Variants in SLC36A1 observed in about 807,000 individuals in gnomAD.
The protein encoded by SLC36A1 is solute carrier family 36 member 1, also known as proton-coupled amino acid transporter 1.
Under a neutral mutation model 47.5 loss-of-function variants are expected in SLC36A1, and 30 were observed. The observed-to-expected ratio is 0.63, with a 90% CI of 0.47 to 0.86. SLC36A1 has a LOEUF of 0.86. Among genes scored for constraint, SLC36A1 ranks in the 40% least tolerant of loss-of-function variants. The pLI is 0.00. For missense variants in SLC36A1, 517 were observed against 606.0 expected, an observed-to-expected ratio of 0.85 and a Z score of 1.54; for synonymous variants, 255 against 249.7, an observed-to-expected ratio of 1.02 and a Z score of -0.20.
the SLC36A1 span, chr5:151,512,661 G>T: frequency 6.9e-7 from 1 of 1,442,112 alleles, no homozygotes; most frequent in Non-Finnish European, 9.4e-7. This position sits in a 1 kb window ranked among gnomAD's most constrained non-coding sequence, Gnocchi z 4.1. Context: ...TTGTAAACCT[G>T]CTAAGAGGCT....
At chr5:151,537,684 G>T in the SLC36A1 span, 1 of 1,100,490 alleles carries the variant, frequency 9.1e-7, no homozygotes, top group Non-Finnish European at 1.3e-6. Context: ...TATGTTTGCT[G>T]ATAGATGAGT....
intron 1 of SLC36A1, among the ~76,000 whole-genome samples, chr5:151,453,284 A>AT (rs375198282): frequency 0.024 from 3,695 of 150,920 alleles, 140 homozygotes; most frequent in African/African-American, 0.084. Context: ...CCAGAAATCT[A>AT]TTTTTTTTTC....
At chr5:151,415,914 TG>T in the SLC36A1 span, among the ~76,000 whole-genome samples, 145 of 152,244 alleles carry the variant, frequency 9.5e-4, no homozygotes, top group Non-Finnish European at 7.2e-4. Context: ...GAGACCAGCC[TG>T]GCTAACATGG....
At chr5:151,352,148 G>A in the SLC36A1 span, among the ~76,000 whole-genome samples, 4 of 152,072 alleles carry the variant, frequency 2.6e-5, no homozygotes, top group Non-Finnish European at 4.4e-5. Context: ...AGATTTTTCT[G>A]CTCCAACAAC....
chr5:151,353,973 A>C, the SLC36A1 span, among the ~76,000 whole-genome samples: 2 of 152,202 alleles, frequency 1.3e-5, no homozygotes, highest in Non-Finnish European at 2.9e-5. Flanking sequence ...CTACTGAAAG[A>C]CATCTTGGTT....
chr5:151,534,637 G>T, the SLC36A1 span: 3 of 1,606,844 alleles, frequency 1.9e-6, no homozygotes, highest in East Asian at 4.5e-5. Context: ...AGTGTGGTCA[G>T]CTCCCCTGGT....
chr5:151,528,497 G>C, the SLC36A1 span, among the ~76,000 whole-genome samples: 1 of 152,152 alleles, frequency 6.6e-6, no homozygotes, highest in African/African-American at 2.4e-5. Flanking sequence ...TATTACACTG[G>C]GGAGATTAGA....
At chr5:151,496,332 A>AGG (rs1760340214), downstream of SLC36A1, among the ~76,000 whole-genome samples, 1 of 151,284 alleles carries the variant, frequency 6.6e-6, no homozygotes, top group African/African-American at 2.4e-5. Context: ...ATCGAATTAA[A>AGG]CCTCTTTCTT....
the SLC36A1 span, among the ~76,000 whole-genome samples, chr5:151,362,384 T>G: frequency 0.012 from 1,683 of 141,788 alleles, 29 homozygotes; most frequent in African/African-American, 0.045. Flanking sequence ...GCTTGATTGA[T>G]TCTTCTTTTT....
the SLC36A1 span, chr5:151,544,638 C>T: frequency 6.2e-7 from 1 of 1,614,118 alleles, no homozygotes; most frequent in Non-Finnish European, 8.5e-7. Context: ...ATTTATTTCT[C>T]ACAGTGACAA....
chr5:151,347,601 C>T, the SLC36A1 span: 1 of 979,630 alleles, frequency 1.0e-6, no homozygotes, highest in African/African-American at 1.6e-5. Context: ...GGAACGAGGC[C>T]CCGCCCACCT....
the SLC36A1 span, among the ~76,000 whole-genome samples, chr5:151,506,791 C>G: frequency 6.6e-6 from 1 of 152,350 alleles, no homozygotes; most frequent in African/African-American, 2.4e-5. Context: ...CACTTCCACA[C>G]TGGGCAACCA....
chr5:151,524,048 G>A, the SLC36A1 span, among the ~76,000 whole-genome samples: 9 of 151,938 alleles, frequency 5.9e-5, no homozygotes, highest in African/African-American at 1.9e-4. Context: ...CCATCACTCC[G>A]TGGTCTCAGC....
In SLC36A1 at chr5:151,467,298, A is replaced by T. The variant is rs763600848; in HGVS notation, c.504+15A>T. The T allele has an allele frequency of 2.1e-5, 29 of 1,413,396 alleles. No homozygotes were observed. The African/African-American group carries it at 4.9e-4, about 24-fold the overall frequency. 87.6% of individuals were successfully genotyped at this position (1,413,396 alleles called of 1,614,324 possible). Reference sequence around the variant, plus strand: ...ACTTTAAACAGGTAGGCACCTGGTTAAAAAAGAAAAAAAAAAAAAAAACCA... The same window carrying T: ...ACTTTAAACAGGTAGGCACCTGGTTTAAAAAGAAAAAAAAAAAAAAAACCA... On this transcript the variant is annotated intron_variant, in intron 6 of 10. Transcript: ENST00000243389.
At position 151,454,295 on chromosome 5, in the gene SLC36A1, G is replaced by A. The variant is rs149821586; in HGVS notation, c.-5-4493G>A. On this transcript the variant is annotated intron_variant, in intron 1 of 10. Coordinates refer to ENST00000243389, the MANE Select transcript of SLC36A1 (RefSeq NM_078483.4). ...CAGGTACTATTAAAATCTCCCATAG[G>A]GCGGGAACTGGCAATTGCAGCAATA... Among the ~76,000 whole-genome samples, 47 of 152,026 alleles carry A rather than the reference G, an allele frequency of 3.1e-4. No homozygotes were observed. In the East Asian group the frequency reaches 5.4e-3, roughly 18 times the overall value.
the SLC36A1 span, among the ~76,000 whole-genome samples, chr5:151,388,335 C>G: frequency 1.4e-4 from 22 of 152,078 alleles, no homozygotes; most frequent in South Asian, 1.2e-3. Context: ...AACCCCCTCT[C>G]TACTAAAAAT....
chr5:151,499,813 G>A, the SLC36A1 span, among the ~76,000 whole-genome samples: 105 of 150,032 alleles, frequency 7.0e-4, no homozygotes, highest in South Asian at 4.8e-3. Flanking sequence ...TTCTTACACC[G>A]TTTGTCCTGG....
At chr5:151,459,521 A>G (rs1755196929) in intron 2 of SLC36A1, among the ~76,000 whole-genome samples, 1 of 152,154 alleles carries the variant, frequency 6.6e-6, no homozygotes, top group Non-Finnish European at 1.5e-5. Context: ...GTAAAGAAAA[A>G]TTGAGGACTC....
chr5:151,469,092 TA>T (rs10709981), intron 7 of SLC36A1, among the ~76,000 whole-genome samples: 55,415 of 148,848 alleles, frequency 0.37, 10,288 homozygotes, highest in East Asian at 0.5. Flanking sequence ...AAGCATAACT[TA>T]AAAAAAAAAA....
Sources: gnomAD v4.1 joint callset for allele counts (sites outside exome capture counted in the v4.1 genomes callset) on GRCh38, gnomAD v4.1.1 for gene constraint, Gnocchi (gnomAD v3.1) non-coding constraint, MANE v1.5 for transcripts, NCBI Gene and HGNC (gene_info 2026-07-23, HGNC 2026-07-21) for gene names.